PCDH15: variants seen among roughly 807,000 people sequenced by gnomAD.
PCDH15 encodes protocadherin-15.
A neutral mutation model predicts 178.5 loss-of-function variants in PCDH15; 129 were observed. That is an observed-to-expected ratio of 0.72 (90% CI 0.63 to 0.84). The LOEUF (loss-of-function observed/expected upper bound fraction) is 0.84. Among genes scored for constraint, PCDH15 ranks in the 40% least tolerant of loss-of-function variants. The pLI is 0.00. For missense variants in PCDH15, 2,230 were observed against 2,099.9 expected (o/e 1.06, Z -1.21); for synonymous variants, 800 against 732.0 (o/e 1.09, Z -1.50).
chr10:54,624,988 T>C (rs2093499718), intron 2 of PCDH15, among the ~76,000 whole-genome samples: 1 of 152,292 alleles, frequency 6.6e-6, no homozygotes, highest in South Asian at 2.1e-4. Flanking sequence ...ATACACGTAA[T>C]GCACTTGAAT....
intron 2 of PCDH15, among the ~76,000 whole-genome samples, chr10:55,093,919 T>C (rs572459219): frequency 4.6e-5 from 7 of 152,124 alleles, no homozygotes; most frequent in South Asian, 2.1e-4. Flanking sequence ...TGTGGAGAAA[T>C]AGGAACACTT....
intron 5 of PCDH15, among the ~76,000 whole-genome samples, chr10:54,363,178 T>A (rs1287740944): frequency 6.6e-6 from 1 of 152,140 alleles, no homozygotes; most frequent in Non-Finnish European, 1.5e-5. Context: ...CCAGCTTTAA[T>A]GCAGATTCAA....
intron 5 of PCDH15, among the ~76,000 whole-genome samples, chr10:54,361,642 C>T (rs1365532532): frequency 6.6e-6 from 1 of 151,956 alleles, no homozygotes; most frequent in African/African-American, 2.4e-5. Flanking sequence ...GAAACCTATG[C>T]TGTGTGACTC....
At chr10:54,918,281 C>T (rs1043148567) in intron 2 of PCDH15, among the ~76,000 whole-genome samples, 2 of 151,866 alleles carry the variant, frequency 1.3e-5, no homozygotes, top group Non-Finnish European at 2.9e-5. Context: ...TATGACAAGT[C>T]CCTTCTTGGA....
rs558239414 is a variant in PCDH15, at chr10:54,864,337, T to C, written c.-29+33113A>G. Among the ~76,000 whole-genome samples the C allele has an allele frequency of 2.6e-4, 39 of 152,198 alleles. No individual in the cohort carries two copies. The South Asian group carries it at 2.9e-3, about 11-fold the overall frequency. On this transcript the variant is annotated intron_variant, in intron 3 of 5. Coordinates refer to the PCDH15 transcript ENST00000458638. ...AAAAAGTCTAAATTGGTTGACCTCT[T>C]TTTTCATTATGTTTCATAAATTATA... is the stretch of plus-strand genomic sequence containing the variant.
At chr10:55,509,290 C>T (rs540386074) in intron 2 of PCDH15, among the ~76,000 whole-genome samples, 1 of 151,806 alleles carries the variant, frequency 6.6e-6, no homozygotes, top group South Asian at 2.1e-4. Flanking sequence ...AAGGTGAAGA[C>T]TGTAACAAAT....
chr10:54,176,792 G>A (rs2133711742), intron 13 of PCDH15, among the ~76,000 whole-genome samples: 1 of 152,204 alleles, frequency 6.6e-6, no homozygotes, highest in Non-Finnish European at 1.5e-5. Flanking sequence ...GCAGCACATA[G>A]GCATGGAAAA....
chr10:54,976,522 T>A (rs1384824158), intron 2 of PCDH15, among the ~76,000 whole-genome samples: 1 of 152,098 alleles, frequency 6.6e-6, no homozygotes, highest in Admixed American at 6.6e-5. Flanking sequence ...TGGAAAACAG[T>A]CCTCATGCAC....
At chr10:53,950,132 T>C (rs961174267) in intron 23 of PCDH15, among the ~76,000 whole-genome samples, 2 of 152,032 alleles carry the variant, frequency 1.3e-5, no homozygotes, top group Admixed American at 1.3e-4. Flanking sequence ...TTTTTCAAAA[T>C]TTCAGAATGT....
At chr10:54,490,143 T>C (rs1043503586) in intron 3 of PCDH15, among the ~76,000 whole-genome samples, 5 of 151,842 alleles carry the variant, frequency 3.3e-5, no homozygotes, top group Middle Eastern at 3.4e-3. Context: ...TAATTCCTCA[T>C]ACAGGAACTT....
At chr10:54,864,615 A>G (rs1003734005) in intron 3 of PCDH15, 18 of 152,160 alleles carry the variant, frequency 1.2e-4, no homozygotes, top group African/African-American at 3.9e-4. Context: ...ATCTGCATCA[A>G]GGTTTTTGGG....
intron 3 of PCDH15, among the ~76,000 whole-genome samples, chr10:54,522,602 T>C (rs1565497176): frequency 6.6e-6 from 1 of 152,214 alleles, no homozygotes; most frequent in Non-Finnish European, 1.5e-5. Context: ...TTGCTCTGTT[T>C]CGTTTTTACT....
chr10:55,358,602 C>T (rs1033053415), intron 2 of PCDH15, among the ~76,000 whole-genome samples: 1 of 152,002 alleles, frequency 6.6e-6, no homozygotes, highest in Non-Finnish European at 1.5e-5. Flanking sequence ...TAAAAGCAAT[C>T]TACTTTTCAC....
At chr10:54,985,669 A>G (rs1029730036) in intron 2 of PCDH15, among the ~76,000 whole-genome samples, 2 of 152,202 alleles carry the variant, frequency 1.3e-5, no homozygotes, top group African/African-American at 4.8e-5. Context: ...AAAAGTGACT[A>G]TTGCACAGCA....
chr10:54,978,617 C>A (rs1394699491), intron 2 of PCDH15, among the ~76,000 whole-genome samples: 1 of 152,054 alleles, frequency 6.6e-6, no homozygotes, highest in African/African-American at 2.4e-5. Flanking sequence ...GTGGGTCTAT[C>A]TCTCTGTTTT....
At chr10:54,812,585 A>C (rs1440681353) in intron 3 of PCDH15, among the ~76,000 whole-genome samples, 1 of 152,022 alleles carries the variant, frequency 6.6e-6, no homozygotes, top group African/African-American at 2.4e-5. Flanking sequence ...CAGCTTCCCG[A>C]GTAGCTGGGA....
At chr10:55,592,261 TG>T (rs1202003633) in intron 2 of PCDH15, among the ~76,000 whole-genome samples, 4 of 152,142 alleles carry the variant, frequency 2.6e-5, no homozygotes, top group Non-Finnish European at 4.4e-5. Flanking sequence ...GCTCCCTTAC[TG>T]CCTGATGTCA....
intron 1 of PCDH15, among the ~76,000 whole-genome samples, chr10:54,723,425 G>A (rs539964788): frequency 4.9e-4 from 75 of 151,710 alleles, no homozygotes; most frequent in African/African-American, 1.8e-3. Context: ...TTAAACATAA[G>A]ACCAGAAACT....
At chr10:54,721,370 TAAC>T (rs1941570661) in intron 1 of PCDH15, among the ~76,000 whole-genome samples, 1 of 150,642 alleles carries the variant, frequency 6.6e-6, no homozygotes, top group African/African-American at 2.4e-5. Flanking sequence ...AGAAAAAAAA[TAAC>T]AAAGATTATA....
Sources: gnomAD v4.1 joint callset for allele counts (sites outside exome capture counted in the v4.1 genomes callset) on GRCh38, gnomAD v4.1.1 for gene constraint, MANE v1.5 for transcripts, NCBI Gene and HGNC (gene_info 2026-07-23, HGNC 2026-07-21) for gene names.